SOX30: variants seen among roughly 807,000 people sequenced by gnomAD.
The protein encoded by SOX30 is SRY-box transcription factor 30.
Under a neutral mutation model 58.6 loss-of-function variants are expected in SOX30, and 17 were observed. The ratio of observed to expected loss-of-function variants is 0.29; its 90% CI spans 0.20 to 0.44. The LOEUF (loss-of-function observed/expected upper bound fraction) is 0.44. Among genes scored for constraint, SOX30 ranks in the 20% least tolerant of loss-of-function variants. SOX30 has a pLI of 1.00. For synonymous variants in SOX30, 421 were observed against 400.2 expected (o/e 1.05, Z -0.62); for missense variants, 951 against 965.8 (o/e 0.98, Z 0.20).
At chr5:157,648,213 G>A (rs571772558) in intron 2 of SOX30, among the ~76,000 whole-genome samples, 72 of 152,270 alleles carry the variant, frequency 4.7e-4, no homozygotes, top group African/African-American at 1.5e-3. Flanking sequence ...TCAATCAGAA[G>A]GCAGGACTAT....
upstream of SOX30, among the ~76,000 whole-genome samples, chr5:157,655,359 G>A (rs1166785343): frequency 1.3e-5 from 2 of 152,176 alleles, no homozygotes; most frequent in Non-Finnish European, 2.9e-5. Context: ...ATAAAGAATG[G>A]GATTGGGTTA....
chr5:157,663,744 C>A (rs1759617127), intron 2 of SOX30, among the ~76,000 whole-genome samples: 1 of 152,214 alleles, frequency 6.6e-6, no homozygotes, highest in East Asian at 1.9e-4. Context: ...TGATAAGCAA[C>A]TTCAGCAAAG....
chr5:157,635,715 AG>A (rs1466401063), intron 4 of SOX30, among the ~76,000 whole-genome samples: 1 of 152,258 alleles, frequency 6.6e-6, no homozygotes, highest in Non-Finnish European at 1.5e-5. Context: ...ATACATTAAC[AG>A]TCAAATCTTA....
Position 157,626,389 on chromosome 5 carries a change from A to G in SOX30, c.2213T>C (p.Val738Ala), listed in dbSNP as rs1758654008. 19 of 1,614,024 alleles carry G rather than the reference A, an allele frequency of 1.2e-5. No homozygotes were observed. The East Asian group carries it at 4.2e-4, about 36-fold the overall frequency. The change falls in exon 5 of 5, where the codon GTC becomes GCC. Residue 738 changes from valine to alanine, a missense_variant. Transcript: ENST00000265007. ...STPSSIQQVN[V>A]TDSDEEEEEK... ...TTCTTCCTCCTCATCACTGTCGGTG[A>G]CATTGACTTGCTGGATGCTAGAAGG...
At chr5:157,669,486 T>TTTTTTTTATTTA (rs368001314) in intron 1 of SOX30, among the ~76,000 whole-genome samples, 35 of 136,746 alleles carry the variant, frequency 2.6e-4, no homozygotes, top group African/African-American at 8.6e-4. Flanking sequence ...CGCCCATCAA[T>TTTTTTTTATTTA]TTTATTTATT....
At chr5:157,631,802 TG>T (rs1403869532) in intron 4 of SOX30, among the ~76,000 whole-genome samples, 1 of 146,220 alleles carries the variant, frequency 6.8e-6, no homozygotes, top group Non-Finnish European at 1.5e-5. Context: ...CAATGGCTCA[TG>T]CCTGTTAATT....
In SOX30 at chr5:157,652,248, G is replaced by A. The variant is rs942773370; in HGVS notation, c.-170C>T. The A allele has an allele frequency of 8.7e-6, 11 of 1,260,782 alleles. No individual in the cohort carries two copies. The African/African-American group carries it at 9.3e-5, about 11-fold the overall frequency. 78.1% of individuals were successfully genotyped at this position (1,260,782 alleles called of 1,614,324 possible). A position where few individuals can be genotyped will look rare whatever the true frequency, so the allele number is the denominator to read the frequency against. On this transcript the variant is annotated 5_prime_UTR_variant, in exon 1 of 5. In the 5' UTR this introduces an upstream ATG that the reference lacks. Transcript: ENST00000265007. ...CACCCAATCACAACGACCGATACCC[G>A]TGGACGGCCAATCACAGGCGGGTTT...
At chr5:157,646,093 T>C (rs1759185738) in intron 3 of SOX30, among the ~76,000 whole-genome samples, 1 of 151,636 alleles carries the variant, frequency 6.6e-6, no homozygotes, top group African/African-American at 2.4e-5. Flanking sequence ...AGATATTAGG[T>C]TGTCAATTTT....
Position 157,643,987 on chromosome 5 carries a change from T to G in SOX30, c.1387+2650A>C. Among the ~76,000 whole-genome samples the G allele has an allele frequency of 1.3e-5, 2 of 152,234 alleles. 1 individual carries two copies. The highest frequency in any genetic ancestry group is 6.8e-3 in the Middle Eastern group (2 of 294). On this transcript the variant is annotated intron_variant, in intron 3 of 4. Transcript: ENST00000265007. ...GTGATACTGACCTCTCTAAATAATA[T>G]AAAGCCAAGTTGATGAGAACAATCT...
At chr5:157,648,934 AT>A (rs1293763254) in intron 1 of SOX30, 38 bp from the exon 2 acceptor site, 2 of 1,507,804 alleles carry the variant, frequency 1.3e-6, no homozygotes, top group African/African-American at 4.8e-5. Context: ...TTAATGTGCC[AT>A]ACACACACAC....
In SOX30 at chr5:157,638,305, G is replaced by A; in HGVS notation, c.1805C>T (p.Thr602Ile). 1 of 1,607,428 alleles carries A rather than the reference G, an allele frequency of 6.2e-7. No individual in the cohort carries two copies. Among genetic ancestry groups the A allele is most frequent in the Non-Finnish European group, 8.5e-7 (1 of 1,176,218 alleles). ...GAATCTTGGTGGTGTCCCGAACAGT[G>A]TGGCTGGATGGCCAAGGGGAGGGGG... Reference protein sequence around the residue: ...YQPPPLGHPATLFGTPPRFSF... With the variant: ...YQPPPLGHPAILFGTPPRFSF... Residue 602 changes from threonine (T) to isoleucine (I), a missense_variant, in exon 4 of 5, where the codon ACA becomes ATA. Physicochemically the swap from Thr to Ile is moderately conservative, Grantham distance 89. Transcript: ENST00000265007.
intron 2 of SOX30, among the ~76,000 whole-genome samples, chr5:157,659,691 G>C (rs991358974): frequency 1.3e-5 from 2 of 152,188 alleles, no homozygotes; most frequent in Non-Finnish European, 2.9e-5. Flanking sequence ...TGTCACCAAG[G>C]TGGTCAGGCT....
chr5:157,670,295 C>CA (rs1257116922), intron 1 of SOX30, among the ~76,000 whole-genome samples: 1 of 152,184 alleles, frequency 6.6e-6, no homozygotes, highest in African/African-American at 2.4e-5. Context: ...ACAAGACAGT[C>CA]ATGGCCCCTT....
intron 4 of SOX30, among the ~76,000 whole-genome samples, chr5:157,634,779 C>A (rs1758888061): frequency 6.6e-6 from 1 of 152,134 alleles, no homozygotes; most frequent in Non-Finnish European, 1.5e-5. Context: ...TCCCGAATAG[C>A]TGGGATTACA....
intron 3 of SOX30, among the ~76,000 whole-genome samples, chr5:157,643,635 G>A (rs1457041215): frequency 3.9e-5 from 6 of 151,968 alleles, no homozygotes; most frequent in East Asian, 1.9e-4. Flanking sequence ...TATACAGTAC[G>A]ATATTAATGC....
At chr5:157,648,624 A>T in intron 2 of SOX30, 33 bp downstream of exon 2, 1 of 1,586,998 alleles carries the variant, frequency 6.3e-7, no homozygotes, top group Non-Finnish European at 8.6e-7. Context: ...AATTCATTTA[A>T]AAGAAGTAAG....
chr5:157,661,437 A>G (rs192124561), intron 2 of SOX30, among the ~76,000 whole-genome samples: 29 of 152,352 alleles, frequency 1.9e-4, no homozygotes, highest in South Asian at 6.2e-4. Flanking sequence ...AGAAAAGGCT[A>G]TATAGTAAAT....
upstream of SOX30, among the ~76,000 whole-genome samples, chr5:157,654,929 G>A (rs1380760900): frequency 6.6e-6 from 1 of 152,198 alleles, no homozygotes; most frequent in Non-Finnish European, 1.5e-5. Flanking sequence ...GCAACCAGCA[G>A]CCCTTGGGGT....
At chr5:157,645,660 TG>T (rs1759171276) in intron 3 of SOX30, among the ~76,000 whole-genome samples, 2 of 145,826 alleles carry the variant, frequency 1.4e-5, no homozygotes, top group African/African-American at 2.6e-5. Context: ...AGACCCTGTC[TG>T]GAAAAAAAAA....
Sources: allele counts gnomAD v4.1 joint callset (sites outside exome capture counted in the v4.1 genomes callset), GRCh38; gene constraint gnomAD v4.1.1; transcripts MANE v1.5; gene names NCBI Gene and HGNC (gene_info 2026-07-23, HGNC 2026-07-21).